The following EPSTI1 variants were observed in gnomAD, a reference collection of about 807,000 sequenced individuals.
EPSTI1 encodes epithelial stromal interaction 1, also known as epithelial-stromal interaction protein 1.
A neutral mutation model predicts 49.9 loss-of-function variants in EPSTI1; 66 were observed. That is an observed-to-expected ratio of 1.32 (90% CI 1.08 to 1.62). The LOEUF is 1.62. Ranked by LOEUF, EPSTI1 falls within the 40% of genes most tolerant of loss-of-function variation. EPSTI1 has a pLI of 0.00. For synonymous variants in EPSTI1, 137 were observed against 130.7 expected (o/e 1.05, Z -0.33); for missense variants, 394 against 365.5 (o/e 1.08, Z -0.64).
chr13:42,888,532 C>T (rs2036931904), intron 10 of EPSTI1, 30 bp from the exon 11 acceptor site: 1 of 1,574,266 alleles, frequency 6.4e-7, no homozygotes, highest in South Asian at 1.2e-5. Flanking sequence ...AAAATTACTG[C>T]AAGCAGCAAA....
chr13:42,913,988 G>A (rs1007751167), intron 8 of EPSTI1, among the ~76,000 whole-genome samples: 4 of 152,114 alleles, frequency 2.6e-5, no homozygotes, highest in African/African-American at 4.8e-5. Flanking sequence ...GTGAAGATGT[G>A]CTTGCTTCCC....
At chr13:42,917,810 T>C (rs1398044355) in intron 7 of EPSTI1, among the ~76,000 whole-genome samples, 186 bp from the exon 8 acceptor site, 1 of 152,178 alleles carries the variant, frequency 6.6e-6, no homozygotes, top group Non-Finnish European at 1.5e-5. Context: ...AAAACGTCCC[T>C]TGGAACATAT....
Position 42,953,954 on chromosome 13 carries a change from T to C in EPSTI1, c.557A>G (p.Gln186Arg). Residue 186 changes from glutamine (Q) to arginine (R), a missense_variant, in exon 6 of 11, where the codon CAG becomes CGG. Coordinates refer to ENST00000313624, the MANE Select transcript of EPSTI1 (RefSeq NM_033255.5). ...TCTGAAAACATTAACTTACTATTGC[T>C]GATGCTCTCTAAATGCTTCTCTTCT... ...NLRREAFREH[Q>R]QYKTAEFLSK... The C allele has an allele frequency of 1.2e-6, 2 of 1,612,534 alleles. No individual in the cohort carries two copies. Among genetic ancestry groups the C allele is most frequent in the Non-Finnish European group, 1.7e-6 (2 of 1,179,618 alleles).
chr13:42,990,173 A>AG (rs1349445086), intron 1 of EPSTI1, among the ~76,000 whole-genome samples: 1 of 128,506 alleles, frequency 7.8e-6, no homozygotes, highest in Non-Finnish European at 1.6e-5. Flanking sequence ...GGTTCACATG[A>AG]GGAAAAAAAA....
intron 6 of EPSTI1, among the ~76,000 whole-genome samples, chr13:42,936,054 A>G (rs7337881): frequency 0.45 from 68,445 of 152,022 alleles, 15,749 homozygotes; most frequent in Non-Finnish European, 0.51. Flanking sequence ...CAAAAATGTA[A>G]AGACTGCTTC....
intron 8 of EPSTI1, among the ~76,000 whole-genome samples, chr13:42,901,971 T>C (rs998407191): frequency 7.3e-6 from 1 of 137,364 alleles, no homozygotes; most frequent in Admixed American, 7.7e-5. Context: ...CCTGTGTCCA[T>C]GTGTTCTCAT....
chr13:42,923,358 T>C (rs1475753528), intron 7 of EPSTI1, among the ~76,000 whole-genome samples: 1 of 152,064 alleles, frequency 6.6e-6, no homozygotes, highest in Non-Finnish European at 1.5e-5. Flanking sequence ...CCCAGGAGTT[T>C]GAGATCACCC....
At chr13:42,959,008 A>G (rs1209517600) in intron 5 of EPSTI1, among the ~76,000 whole-genome samples, 2 of 152,218 alleles carry the variant, frequency 1.3e-5, no homozygotes, top group East Asian at 3.8e-4. Context: ...GGTTGATATA[A>G]TAGATTCCAA....
At chr13:42,976,298 T>C (rs913013775) in intron 1 of EPSTI1, among the ~76,000 whole-genome samples, 1 of 152,252 alleles carries the variant, frequency 6.6e-6, no homozygotes, top group Non-Finnish European at 1.5e-5. Flanking sequence ...ACACCATTTT[T>C]ACAGCAGATA....
intron 6 of EPSTI1, among the ~76,000 whole-genome samples, chr13:42,929,438 G>A (rs191527626): frequency 3.1e-4 from 47 of 152,260 alleles, no homozygotes; most frequent in Non-Finnish European, 2.6e-4. Context: ...CCCTGCCTCC[G>A]TAGACCCTCC....
At position 42,899,885 on chromosome 13, in the gene EPSTI1, TAGTG is replaced by T. The variant is rs543930719; in HGVS notation, c.815+421_815+424del. On this transcript the variant is annotated intron_variant, in intron 9 of 10. Coordinates refer to ENST00000313624, the MANE Select transcript of EPSTI1 (RefSeq NM_033255.5). ...CTAATGTGTCAATATTAAATAATGT[TAGTG>T]AGTTTTTGTCTGAGCTTTTGCACTC... Among the ~76,000 whole-genome samples the T allele has an allele frequency of 2.9e-4, 44 of 152,284 alleles. 1 individual carries two copies. In the South Asian group the frequency reaches 8.9e-3, roughly 31 times the overall value.
intron 1 of EPSTI1, among the ~76,000 whole-genome samples, chr13:42,983,693 A>G (rs1395429159): frequency 6.6e-6 from 1 of 150,376 alleles, no homozygotes; most frequent in African/African-American, 2.5e-5. Context: ...ATAGGTTTGA[A>G]TACTGGTTCT....
chr13:42,977,848 A>G (rs1030938163), intron 1 of EPSTI1, among the ~76,000 whole-genome samples: 11 of 152,242 alleles, frequency 7.2e-5, no homozygotes, highest in Non-Finnish European at 1.3e-4. Context: ...GGCAGGCCTC[A>G]GTTAATTTAT....
chr13:42,973,393 A>C (rs2153433953), intron 1 of EPSTI1, among the ~76,000 whole-genome samples: 1 of 152,294 alleles, frequency 6.6e-6, no homozygotes, highest in Admixed American at 6.5e-5. Context: ...TAAACGTTTT[A>C]TGTAAATTTT....
chr13:42,942,270 T>C (rs1422461399), intron 6 of EPSTI1, among the ~76,000 whole-genome samples: 3 of 152,188 alleles, frequency 2.0e-5, no homozygotes, highest in African/African-American at 4.8e-5. Context: ...AGAGCTTTTA[T>C]TCTAATAAGA....
intron 1 of EPSTI1, among the ~76,000 whole-genome samples, chr13:42,990,312 AT>A (rs1218157258): frequency 6.6e-6 from 1 of 152,206 alleles, no homozygotes; most frequent in African/African-American, 2.4e-5. Flanking sequence ...TAAGGCCTGG[AT>A]AACCCATCAG....
chr13:42,947,696 G>A (rs368988525), intron 6 of EPSTI1, among the ~76,000 whole-genome samples: 5 of 152,336 alleles, frequency 3.3e-5, no homozygotes, highest in African/African-American at 4.8e-5. Context: ...GAGGTCAGTT[G>A]AGAGCAGTTT....
chr13:42,965,487 G>A (rs1566165203), intron 3 of EPSTI1, among the ~76,000 whole-genome samples: 2 of 152,170 alleles, frequency 1.3e-5, no homozygotes, highest in Non-Finnish European at 2.9e-5. Flanking sequence ...GGATCTGCAA[G>A]GAGGTAACTG....
chr13:42,980,930 T>C (rs1310873427), intron 1 of EPSTI1, among the ~76,000 whole-genome samples: 1 of 152,236 alleles, frequency 6.6e-6, no homozygotes. Context: ...AAATATTTAA[T>C]ATAAAGATTT....
Sources: gnomAD v4.1 joint callset for allele counts (sites outside exome capture counted in the v4.1 genomes callset) on GRCh38, gnomAD v4.1.1 for gene constraint, MANE v1.5 for transcripts, NCBI Gene and HGNC (gene_info 2026-07-23, HGNC 2026-07-21) for gene names.